Variants in AGBL1 observed in about 807,000 individuals in gnomAD.
AGBL1 encodes AGBL carboxypeptidase 1.
Under a neutral mutation model 118.9 loss-of-function variants are expected in AGBL1, and 130 were observed. The observed-to-expected ratio is 1.09, with a 90% CI of 0.95 to 1.26. The LOEUF (loss-of-function observed/expected upper bound fraction) is 1.26. Ranked by LOEUF, AGBL1 falls within the 50% of genes most tolerant of loss-of-function variation. The pLI is 0.00. For synonymous variants in AGBL1, 555 were observed against 478.9 expected (o/e 1.16, Z -2.08); for missense variants, 1,584 against 1,298.1 (o/e 1.22, Z -3.38).
At chr15:86,936,767 C>T (rs1378762081) in intron 23 of AGBL1, among the ~76,000 whole-genome samples, 2 of 152,102 alleles carry the variant, frequency 1.3e-5, no homozygotes, top group Non-Finnish European at 2.9e-5. Flanking sequence ...ACAAAGACAC[C>T]AAAAGCAATC....
At chr15:86,595,787 C>T (rs11633922) in intron 21 of AGBL1, among the ~76,000 whole-genome samples, 47,122 of 151,998 alleles carry the variant, frequency 0.31, 8,081 homozygotes, top group Middle Eastern at 0.45. Flanking sequence ...CCCAAGAACT[C>T]AGAGGCTAAG....
chr15:86,782,485 C>T (rs1054827212), intron 22 of AGBL1, among the ~76,000 whole-genome samples: 5 of 152,164 alleles, frequency 3.3e-5, no homozygotes, highest in Non-Finnish European at 5.9e-5. Flanking sequence ...CTGCTCTAAT[C>T]TTATTTGAGG....
chr15:86,951,761 T>TTA (rs1473909777), intron 23 of AGBL1, among the ~76,000 whole-genome samples: 3 of 152,190 alleles, frequency 2.0e-5, no homozygotes, highest in Non-Finnish European at 4.4e-5. Context: ...TGGGCAATTT[T>TTA]TATTTATTGC....
At chr15:86,256,009 TC>T (rs2142011454) in intron 7 of AGBL1, among the ~76,000 whole-genome samples, 1 of 152,298 alleles carries the variant, frequency 6.6e-6, no homozygotes, top group South Asian at 2.1e-4. Context: ...CTCAGAGCTT[TC>T]TGCACCCTTT....
intron 18 of AGBL1, among the ~76,000 whole-genome samples, chr15:86,459,801 A>T (rs2082308137): frequency 6.6e-6 from 1 of 152,136 alleles, no homozygotes; most frequent in Non-Finnish European, 1.5e-5. Flanking sequence ...TGCCCTTTGA[A>T]ATCGATGCAG....
chr15:86,922,019 A>T (rs983983428), intron 23 of AGBL1, among the ~76,000 whole-genome samples: 1 of 152,200 alleles, frequency 6.6e-6, no homozygotes, highest in African/African-American at 2.4e-5. Context: ...GTTACTCTGT[A>T]TGGACTTAGT....
chr15:86,120,968 C>T (rs557684757), intron 1 of AGBL1, among the ~76,000 whole-genome samples: 73 of 151,822 alleles, frequency 4.8e-4, no homozygotes, highest in African/African-American at 1.7e-3. Flanking sequence ...ATGATCTCAA[C>T]TCACTGCAAC....
chr15:86,624,249 A>T (rs2084851870), intron 21 of AGBL1, among the ~76,000 whole-genome samples: 1 of 152,244 alleles, frequency 6.6e-6, no homozygotes, highest in East Asian at 1.9e-4. Flanking sequence ...GGGAAGTCAC[A>T]ATCAAGAGCA....
intron 18 of AGBL1, among the ~76,000 whole-genome samples, chr15:86,483,272 C>A (rs991061073): frequency 6.6e-6 from 1 of 152,062 alleles, no homozygotes; most frequent in South Asian, 2.1e-4. Flanking sequence ...AGAACCACTT[C>A]ATGGTTGATG....
At chr15:86,743,248 T>G (rs922339441) in intron 22 of AGBL1, among the ~76,000 whole-genome samples, 1 of 152,160 alleles carries the variant, frequency 6.6e-6, no homozygotes, top group African/African-American at 2.4e-5. Context: ...CTATTGACTT[T>G]GCGATTATTT....
intron 22 of AGBL1, among the ~76,000 whole-genome samples, chr15:86,783,469 G>A (rs1346875843): frequency 6.6e-6 from 1 of 152,176 alleles, no homozygotes; most frequent in African/African-American, 2.4e-5. Context: ...ACAAGAACAG[G>A]AAGAATGTGT....
intron 22 of AGBL1, among the ~76,000 whole-genome samples, chr15:86,691,755 TA>T (rs959718306): frequency 1.1e-4 from 17 of 152,068 alleles, no homozygotes; most frequent in Non-Finnish European, 2.1e-4. Flanking sequence ...GAGGCTGTTA[TA>T]AAAAAATATT....
rs921920088 is a variant in AGBL1, at chr15:86,760,835, G to C, written c.3158+86399G>C. Among the ~76,000 whole-genome samples the C allele has an allele frequency of 3.3e-5, 5 of 152,106 alleles. 1 individual carries two copies. The stretch of plus-strand genomic sequence containing the variant: ...ATTGTGTCTTCCTAAACTGCCCTCT[G>C]TCCCACCCTAGAGAGGAAAAGCCAC... On this transcript the variant is annotated intron_variant, in intron 22 of 22. Coordinates refer to ENST00000614907, the MANE Select transcript of AGBL1 (RefSeq NM_001386094.1).
intron 1 of AGBL1, among the ~76,000 whole-genome samples, chr15:86,119,473 G>A (rs1597418445): frequency 1.3e-5 from 2 of 152,222 alleles, no homozygotes; most frequent in South Asian, 4.2e-4. Context: ...CACAGTCAAG[G>A]CACCTGAAGA....
At chr15:86,405,910 T>G (rs2081521863) in intron 18 of AGBL1, among the ~76,000 whole-genome samples, 1 of 150,786 alleles carries the variant, frequency 6.6e-6, no homozygotes, top group African/African-American at 2.4e-5. Context: ...AGAGGAGGAG[T>G]TACCAGAACC....
chr15:86,231,350 A>G (rs2078452184), intron 6 of AGBL1, among the ~76,000 whole-genome samples: 1 of 152,186 alleles, frequency 6.6e-6, no homozygotes, highest in South Asian at 2.1e-4. Context: ...AGTCCAGCCT[A>G]ATTCCCGTCC....
At chr15:86,116,524 A>T (rs1473797962) in intron 1 of AGBL1, 1 of 152,238 alleles carries the variant, frequency 6.6e-6, no homozygotes, top group Non-Finnish European at 1.5e-5. Flanking sequence ...GGGTGGGCAT[A>T]GTCTAATCTG....
chr15:86,212,195 G>A (rs2078110387), intron 5 of AGBL1, among the ~76,000 whole-genome samples: 1 of 152,208 alleles, frequency 6.6e-6, no homozygotes, highest in South Asian at 2.1e-4. Context: ...TATAGCAGGT[G>A]CTATGATAAG....
intron 17 of AGBL1, among the ~76,000 whole-genome samples, chr15:86,297,949 A>T (rs2079672882): frequency 6.6e-6 from 1 of 152,120 alleles, no homozygotes; most frequent in Non-Finnish European, 1.5e-5. Context: ...ATTATTAGAT[A>T]CTAGCTGAGT....
Sources: allele counts gnomAD v4.1 joint callset (sites outside exome capture counted in the v4.1 genomes callset), GRCh38; gene constraint gnomAD v4.1.1; transcripts MANE v1.5; gene names NCBI Gene and HGNC (gene_info 2026-07-23, HGNC 2026-07-21).